Variants in NRXN1 observed in about 807,000 individuals in gnomAD.
The protein encoded by NRXN1 is neurexin-1.
In NRXN1, 39 loss-of-function variants were observed where a neutral mutation model predicts 150.9. That is an observed-to-expected ratio of 0.26 (90% CI 0.20 to 0.34). The LOEUF is 0.34. Among genes scored for constraint, NRXN1 ranks in the 10% least tolerant of loss-of-function variants. NRXN1 has a pLI of 1.00. For synonymous variants in NRXN1, 924 were observed against 757.0 expected, an observed-to-expected ratio of 1.22 and a Z score of -3.62; for missense variants, 1,815 against 1,949.9, an observed-to-expected ratio of 0.93 and a Z score of 1.30.
intron 5 of NRXN1, among the ~76,000 whole-genome samples, chr2:50,777,653 A>G (rs1467378620): frequency 2.6e-5 from 4 of 152,202 alleles, no homozygotes; most frequent in African/African-American, 7.2e-5. Context: ...GTTCAAGGTC[A>G]AATACTTGAT....
At chr2:49,995,289 C>A (rs1682747366) in intron 21 of NRXN1, among the ~76,000 whole-genome samples, 1 of 151,252 alleles carries the variant, frequency 6.6e-6, no homozygotes. Context: ...AAAAAACCTT[C>A]TTTTACTTTT....
At chr2:50,610,442 T>C (rs1348889399) in intron 8 of NRXN1, among the ~76,000 whole-genome samples, 1 of 151,378 alleles carries the variant, frequency 6.6e-6, no homozygotes, top group Non-Finnish European at 1.5e-5. Context: ...TCTTTGAAAT[T>C]ATTACTAATG....
chr2:50,121,766 G>T (rs1362382623), intron 18 of NRXN1, among the ~76,000 whole-genome samples: 1 of 152,164 alleles, frequency 6.6e-6, no homozygotes, highest in Non-Finnish European at 1.5e-5. Flanking sequence ...AAACATCCTA[G>T]TACTTTGTTA....
rs1421186031 is a variant in NRXN1 at position 50,404,788 on chromosome 2, C to A, written c.3364+60654G>T. 2.0e-5 allele frequency among the ~76,000 whole-genome samples: 3 copies of A among 152,032 alleles called. No homozygotes were observed. The East Asian group carries it at 5.8e-4, about 29-fold the overall frequency. ...AAAAAGGCCTGGAGGGGGATCTTTG[C>A]AGTATAAGAGTTTTGACTCCCTGCT... is the stretch of plus-strand genomic sequence containing the variant. On this transcript the variant is annotated intron_variant, in intron 17 of 22. Coordinates refer to ENST00000401669, the MANE Select transcript of NRXN1 (RefSeq NM_001330078.2).
chr2:49,985,271 G>A (rs1441977049), intron 21 of NRXN1, among the ~76,000 whole-genome samples: 1 of 152,102 alleles, frequency 6.6e-6, no homozygotes, highest in Admixed American at 6.6e-5. Flanking sequence ...GTTACATCTA[G>A]GATTTGCATA....
At chr2:50,200,984 G>T (rs530283644) in intron 18 of NRXN1, among the ~76,000 whole-genome samples, 1 of 151,732 alleles carries the variant, frequency 6.6e-6, no homozygotes, top group African/African-American at 2.4e-5. Context: ...TTTCTCCATG[G>T]GTCTCTATTT....
At chr2:50,619,170 C>T (rs909932598) in intron 8 of NRXN1, 3 of 152,158 alleles carry the variant, frequency 2.0e-5, no homozygotes, top group Non-Finnish European at 2.9e-5. Context: ...GCACCTATGG[C>T]TAACAGTGAA....
chr2:50,616,906 A>T (rs974011533), intron 8 of NRXN1, among the ~76,000 whole-genome samples: 1 of 152,246 alleles, frequency 6.6e-6, no homozygotes, highest in Non-Finnish European at 1.5e-5. Flanking sequence ...AGGAAGTCCA[A>T]GCTAGAGTTC....
intron 17 of NRXN1, among the ~76,000 whole-genome samples, chr2:50,320,310 A>G (rs1395861663): frequency 8.1e-6 from 1 of 124,204 alleles, no homozygotes; most frequent in African/African-American, 3.2e-5. Context: ...ATATATATAT[A>G]TATATATATA....
intron 5 of NRXN1, among the ~76,000 whole-genome samples, chr2:50,844,486 G>T (rs1673345865): frequency 6.6e-6 from 1 of 152,260 alleles, no homozygotes; most frequent in African/African-American, 2.4e-5. Flanking sequence ...ATGGACCATT[G>T]AAATTATATT....
chr2:50,963,947 T>C (rs1374508668), intron 2 of NRXN1: 1 of 437,770 alleles, frequency 2.3e-6, no homozygotes, highest in Non-Finnish European at 4.6e-6. Flanking sequence ...CCAGTTTAAT[T>C]TGAGCTCAAA....
At chr2:50,671,122 T>TA (rs1243349399) in intron 5 of NRXN1, among the ~76,000 whole-genome samples, 1 of 151,854 alleles carries the variant, frequency 6.6e-6, no homozygotes, top group Non-Finnish European at 1.5e-5. Flanking sequence ...CATAAATCTT[T>TA]AAAAACATGA....
chr2:50,125,001 CATAG>C (rs1704364848), intron 18 of NRXN1, among the ~76,000 whole-genome samples: 1 of 151,950 alleles, frequency 6.6e-6, no homozygotes, highest in African/African-American at 2.4e-5. Context: ...TATATACAAA[CATAG>C]ATATGTATGT....
chr2:50,018,128 A>G (rs534885620), intron 21 of NRXN1, among the ~76,000 whole-genome samples: 2 of 152,310 alleles, frequency 1.3e-5, no homozygotes, highest in South Asian at 4.1e-4. Context: ...GCACTTCTCT[A>G]AACATTTTGA....
chr2:50,979,668 G>A (rs1696475579), intron 2 of NRXN1, among the ~76,000 whole-genome samples: 1 of 152,016 alleles, frequency 6.6e-6, no homozygotes, highest in African/African-American at 2.4e-5. Context: ...ATCTGGCAAC[G>A]AACCTTGGTC....
chr2:49,995,044 AG>A (rs1383059881), intron 21 of NRXN1, among the ~76,000 whole-genome samples: 1 of 152,228 alleles, frequency 6.6e-6, no homozygotes, highest in Non-Finnish European at 1.5e-5. Context: ...CACCTGAGGA[AG>A]GGAGAGAAAA....
chr2:50,287,973 C>T (rs1261777397), intron 17 of NRXN1, among the ~76,000 whole-genome samples: 2 of 151,776 alleles, frequency 1.3e-5, no homozygotes, highest in African/African-American at 2.4e-5. Flanking sequence ...GAAAGGACCT[C>T]GAGGGCATGT....
intron 10 of NRXN1, among the ~76,000 whole-genome samples, chr2:50,535,336 C>T (rs990501072): frequency 3.9e-5 from 6 of 152,210 alleles, no homozygotes; most frequent in Non-Finnish European, 7.3e-5. Flanking sequence ...CTCCTTCTCC[C>T]TTGTCATTAA....
intron 19 of NRXN1, among the ~76,000 whole-genome samples, chr2:50,079,698 T>C (rs979676906): frequency 2.0e-5 from 3 of 152,120 alleles, no homozygotes; most frequent in South Asian, 2.1e-4. Flanking sequence ...CAGTATTCTA[T>C]TGAGTTTAAA....
Sources: allele counts gnomAD v4.1 joint callset (sites outside exome capture counted in the v4.1 genomes callset), GRCh38; gene constraint gnomAD v4.1.1; transcripts MANE v1.5; gene names NCBI Gene and HGNC (gene_info 2026-07-23, HGNC 2026-07-21).